MACROD2: variants seen among roughly 807,000 people sequenced by gnomAD.
The protein encoded by MACROD2 is ADP-ribose glycohydrolase MACROD2.
In MACROD2, 36 loss-of-function variants were observed where a neutral mutation model predicts 70.4. That is an observed-to-expected ratio of 0.51 (90% CI 0.39 to 0.68). The LOEUF (loss-of-function observed/expected upper bound fraction) is 0.68. MACROD2 is among the 30% of genes least tolerant of loss of function. The pLI is 0.00. For synonymous variants in MACROD2, 172 were observed against 178.8 expected, an observed-to-expected ratio of 0.96 and a Z score of 0.30; for missense variants, 496 against 538.4, an observed-to-expected ratio of 0.92 and a Z score of 0.78.
At chr20:14,485,351 C>T (rs185824490) in intron 3 of MACROD2, among the ~76,000 whole-genome samples, 2 of 152,152 alleles carry the variant, frequency 1.3e-5, no homozygotes, top group African/African-American at 2.4e-5. Flanking sequence ...ATTTATGTTG[C>T]GTGGCAAATT....
intron 3 of MACROD2, among the ~76,000 whole-genome samples, chr20:14,382,322 AG>A (rs960799923): frequency 3.6e-4 from 55 of 151,724 alleles, no homozygotes; most frequent in African/African-American, 1.3e-3. Context: ...GGCCTCTCAA[AG>A]TGCTGGGATT....
intron 4 of MACROD2, among the ~76,000 whole-genome samples, chr20:14,564,159 T>C (rs769387595): frequency 4.6e-5 from 7 of 151,940 alleles, no homozygotes; most frequent in Non-Finnish European, 7.4e-5. Context: ...AGAATGAAAC[T>C]GGACCCCTAT....
Position 14,790,266 on chromosome 20 carries a change from T to C in MACROD2, c.418+105307T>C, listed in dbSNP as rs941832594. Among the ~76,000 whole-genome samples, 4 of 149,858 alleles carry C rather than the reference T, an allele frequency of 2.7e-5. No homozygotes were observed. In the East Asian group the frequency reaches 7.8e-4, roughly 29 times the overall value. ...ATATCAGGTGATAATTTGGTTCATT[T>C]AAAAAAAAAACAAATATTTTACAGC... On this transcript the variant is annotated intron_variant, in intron 5 of 17. Transcript: ENST00000684519.
At chr20:14,240,297 T>G (rs757547129) in intron 3 of MACROD2, among the ~76,000 whole-genome samples, 9 of 152,140 alleles carry the variant, frequency 5.9e-5, no homozygotes, top group Non-Finnish European at 1.3e-4. Flanking sequence ...CAAAATAACT[T>G]AAAACAGAAC....
chr20:14,861,126 T>G (rs2073311505), intron 5 of MACROD2, among the ~76,000 whole-genome samples: 1 of 152,094 alleles, frequency 6.6e-6, no homozygotes, highest in African/African-American at 2.4e-5. Context: ...ATTAAAGGAA[T>G]TGTTACAAAG....
intron 3 of MACROD2, among the ~76,000 whole-genome samples, chr20:14,333,031 A>G (rs2082872769): frequency 6.6e-6 from 1 of 152,010 alleles, no homozygotes; most frequent in African/African-American, 2.4e-5. Flanking sequence ...TAAATTTTCC[A>G]TGATCATCAG....
intron 5 of MACROD2, among the ~76,000 whole-genome samples, chr20:14,922,662 C>T (rs1471992614): frequency 1.3e-5 from 2 of 152,024 alleles, no homozygotes; most frequent in Admixed American, 1.3e-4. Context: ...CAAGGAAAGG[C>T]GAATGTTGAT....
chr20:15,269,902 C>A (rs1388258895), intron 6 of MACROD2, among the ~76,000 whole-genome samples: 1 of 152,062 alleles, frequency 6.6e-6, no homozygotes, highest in East Asian at 1.9e-4. Context: ...TTATTTGGCA[C>A]CTATTAGGCC....
At chr20:15,184,045 C>T (rs1377637108) in intron 5 of MACROD2, among the ~76,000 whole-genome samples, 1 of 152,174 alleles carries the variant, frequency 6.6e-6, no homozygotes, top group African/African-American at 2.4e-5. Context: ...TCAGATGCTA[C>T]TCAGTCTGAA....
At chr20:14,486,521 T>TTG (rs2084733637) in intron 3 of MACROD2, among the ~76,000 whole-genome samples, 1 of 141,756 alleles carries the variant, frequency 7.1e-6, no homozygotes, top group South Asian at 2.5e-4. Context: ...AACTTTTTAT[T>TTG]TTATTTTTTT....
intron 3 of MACROD2, among the ~76,000 whole-genome samples, chr20:14,417,848 C>G (rs985049956): frequency 6.6e-6 from 1 of 152,072 alleles, no homozygotes; most frequent in African/African-American, 2.4e-5. Flanking sequence ...GGATTTTAGG[C>G]TGTTAAAAAA....
chr20:14,053,488 C>G (rs973763388), intron 2 of MACROD2: 1 of 152,030 alleles, frequency 6.6e-6, no homozygotes, highest in African/African-American at 2.4e-5. Context: ...GCTCTTTGTC[C>G]TCTGTGAATG....
At chr20:15,458,534 T>C (rs1017618928) in intron 7 of MACROD2, among the ~76,000 whole-genome samples, 1 of 151,928 alleles carries the variant, frequency 6.6e-6, no homozygotes, top group Non-Finnish European at 1.5e-5. Context: ...TATTGACAAA[T>C]TTAGCACTGA....
chr20:14,927,915 A>G (rs756492074), intron 5 of MACROD2, among the ~76,000 whole-genome samples: 1 of 152,174 alleles, frequency 6.6e-6, no homozygotes, highest in South Asian at 2.1e-4. Context: ...TTTTACCATT[A>G]TATGTATTCA....
rs2052633813 is a variant in MACROD2 at position 13,995,913 on chromosome 20, C to T, written c.46+104C>T. 1.3e-5 allele frequency: 18 copies of T among 1,351,000 alleles called. No individual in the cohort carries two copies. The highest frequency in any genetic ancestry group is 1.7e-5 in the Non-Finnish European group (17 of 971,560). The allele number at this position is 1,351,000 out of a possible 1,614,324, so 83.7% of individuals were successfully genotyped here. Reference sequence around the variant, plus strand: ...GCGCCCTCCGCCCGAGCTCCCGCCTCGCGCCCTCCCGGCCGGTGCCGCCTC... The same window carrying T: ...GCGCCCTCCGCCCGAGCTCCCGCCTTGCGCCCTCCCGGCCGGTGCCGCCTC... On this transcript the variant is annotated intron_variant, in intron 1 of 17. Transcript: ENST00000684519. This position sits in a 1 kb window ranked among gnomAD's most constrained non-coding sequence, Gnocchi z 4.3.
intron 4 of MACROD2, among the ~76,000 whole-genome samples, chr20:14,534,826 T>G (rs1456372366): frequency 1.3e-5 from 2 of 151,598 alleles, no homozygotes; most frequent in Non-Finnish European, 2.9e-5. Flanking sequence ...TTAAAATAAT[T>G]TCTTCATTTT....
chr20:16,033,697 C>T (rs1023820828), intron 15 of MACROD2, among the ~76,000 whole-genome samples: 1 of 151,948 alleles, frequency 6.6e-6, no homozygotes, highest in Non-Finnish European at 1.5e-5. Context: ...AGAACTTGCC[C>T]CCAAATCACA....
chr20:15,323,766 A>G (rs889112647), intron 6 of MACROD2, among the ~76,000 whole-genome samples: 4 of 152,034 alleles, frequency 2.6e-5, no homozygotes, highest in Non-Finnish European at 4.4e-5. Flanking sequence ...ACTCTAGTTT[A>G]TACTCTCATC....
intron 5 of MACROD2, among the ~76,000 whole-genome samples, chr20:14,701,296 A>G (rs902043540): frequency 3.3e-5 from 5 of 152,162 alleles, no homozygotes; most frequent in Admixed American, 6.5e-5. Flanking sequence ...TTGCATGCTT[A>G]TTCACTTTCT....
Sources: allele counts gnomAD v4.1 joint callset (sites outside exome capture counted in the v4.1 genomes callset), GRCh38; gene constraint gnomAD v4.1.1; non-coding constraint Gnocchi (gnomAD v3.1); transcripts MANE v1.5; gene names NCBI Gene and HGNC (gene_info 2026-07-23, HGNC 2026-07-21).